Variants in TAF3 observed in about 807,000 individuals in gnomAD.
The protein encoded by TAF3 is transcription initiation factor TFIID subunit 3.
In TAF3, 7 loss-of-function variants were observed where a neutral mutation model predicts 80.6. The observed-to-expected ratio is 0.09, with a 90% CI of 0.05 to 0.16. The LOEUF is 0.16. Ranked by LOEUF, TAF3 falls within the 10% of genes least tolerant of loss-of-function variation. The pLI, the probability that TAF3 is intolerant of heterozygous loss-of-function variation, is 1.00. For synonymous variants in TAF3, 444 were observed against 446.1 expected (o/e 1.00, Z 0.06); for missense variants, 921 against 1,140.2 (o/e 0.81, Z 2.77).
intron 2 of TAF3, among the ~76,000 whole-genome samples, chr10:7,917,740 G>A (rs1490794629): frequency 6.6e-6 from 1 of 152,182 alleles, no homozygotes; most frequent in African/African-American, 2.4e-5. Context: ...CTAGATACGG[G>A]GTGCGAGGAG....
intron 2 of TAF3, among the ~76,000 whole-genome samples, chr10:7,909,652 A>G (rs1837638668): frequency 6.6e-6 from 1 of 152,238 alleles, no homozygotes; most frequent in Admixed American, 6.5e-5. Flanking sequence ...ATCCAGGGCA[A>G]AAGGAAACTA....
At chr10:7,900,635 G>A (rs1464778724) in intron 2 of TAF3, among the ~76,000 whole-genome samples, 2 of 152,150 alleles carry the variant, frequency 1.3e-5, no homozygotes, top group Non-Finnish European at 2.9e-5. Context: ...GTTATGAAAT[G>A]ATTCAGATTC....
Position 8,013,854 on chromosome 10 carries a change from C to T in TAF3, c.2675+17C>T. On this transcript the variant is annotated intron_variant, in intron 6 of 6. Transcript: ENST00000344293. ...GTACCACTGGTGAGTGCCCAGGGCG[C>T]CCTGCCGGCCACACTCATTAGGCAG... 1.2e-6 allele frequency: 2 copies of T among 1,604,796 alleles called. No individual in the cohort carries two copies. The highest frequency in any genetic ancestry group is 1.1e-5 in the South Asian group (1 of 90,856).
chr10:7,874,046 C>T (rs1372363605), intron 2 of TAF3, among the ~76,000 whole-genome samples: 2 of 152,126 alleles, frequency 1.3e-5, no homozygotes, highest in Non-Finnish European at 2.9e-5. Context: ...GCATTAGGAT[C>T]AATAGGTAAT....
chr10:7,842,826 C>T (rs1410275101), intron 2 of TAF3, among the ~76,000 whole-genome samples: 1 of 152,048 alleles, frequency 6.6e-6, no homozygotes, highest in Non-Finnish European at 1.5e-5. Flanking sequence ...TTTTACAGAT[C>T]TTAGATATGA....
chr10:7,835,228 T>A (rs746678190), intron 2 of TAF3, among the ~76,000 whole-genome samples: 3 of 152,154 alleles, frequency 2.0e-5, no homozygotes, highest in Non-Finnish European at 4.4e-5. Context: ...GAAAAAAAAG[T>A]CACACACAAA....
At chr10:7,979,606 A>G (rs2131421458) in intron 4 of TAF3, among the ~76,000 whole-genome samples, 1 of 152,302 alleles carries the variant, frequency 6.6e-6, no homozygotes, top group East Asian at 1.9e-4. Flanking sequence ...ACTTTCAGAT[A>G]TGTAGGTAAT....
intron 1 of TAF3, among the ~76,000 whole-genome samples, chr10:7,821,154 C>A (rs969129370): frequency 6.6e-6 from 1 of 152,040 alleles, no homozygotes; most frequent in African/African-American, 2.4e-5. Context: ...ACCAAGTTTC[C>A]GTAGCCAGTT....
chr10:7,955,786 A>C (rs1838129339), intron 2 of TAF3, among the ~76,000 whole-genome samples: 1 of 152,244 alleles, frequency 6.6e-6, no homozygotes, highest in Admixed American at 6.5e-5. Context: ...TTAGAAAAGA[A>C]GCATGTTTTT....
rs756531660 is a variant in TAF3, at chr10:7,818,696, G to GTC, written c.-13_-12dup. On this transcript the variant is annotated 5_prime_UTR_variant, in exon 1 of 7. Transcript: ENST00000344293. ...CAGTGGCAGCAAGGGCTGCGGTGGCGTCCACGCAGCGGGATGTGCGAGAGT... is the reference window on the plus strand; with the variant it reads ...CAGTGGCAGCAAGGGCTGCGGTGGCGTCTCCACGCAGCGGGATGTGCGAGAGT... 8 of 1,602,282 alleles carry GTC rather than the reference G, an allele frequency of 5.0e-6. No homozygotes were observed. Among genetic ancestry groups the GTC allele is most frequent in the Non-Finnish European group, 6.8e-6 (8 of 1,175,922 alleles).
intron 4 of TAF3, among the ~76,000 whole-genome samples, chr10:7,989,018 T>A (rs1402470871): frequency 6.6e-6 from 1 of 152,212 alleles, no homozygotes; most frequent in African/African-American, 2.4e-5. Flanking sequence ...CCTGGTGTTT[T>A]ATAAAATATG....
chr10:7,884,587 C>T (rs1032384926), intron 2 of TAF3, among the ~76,000 whole-genome samples: 8 of 152,040 alleles, frequency 5.3e-5, no homozygotes, highest in African/African-American at 1.7e-4. Context: ...GGGGTTTCAT[C>T]GTGTTGGCCG....
intron 2 of TAF3, among the ~76,000 whole-genome samples, chr10:7,855,158 A>G (rs1758645): frequency 0.18 from 27,472 of 152,148 alleles, 2,563 homozygotes; most frequent in South Asian, 0.26. Context: ...CAAGCCAGCA[A>G]TGCGGAAACC....
intron 4 of TAF3, among the ~76,000 whole-genome samples, chr10:8,008,591 A>T (rs955605089): frequency 1.3e-5 from 2 of 152,248 alleles, no homozygotes; most frequent in African/African-American, 4.8e-5. Flanking sequence ...GGTAATTAAC[A>T]ACCCAAAAAT....
chr10:7,983,187 A>G (rs1307445382), intron 4 of TAF3, among the ~76,000 whole-genome samples: 1 of 152,114 alleles, frequency 6.6e-6, no homozygotes, highest in Admixed American at 6.5e-5. Flanking sequence ...GTCCCTGGCG[A>G]AGCCCCGCTT....
At chr10:7,978,569 A>G (rs1209831516) in intron 4 of TAF3, among the ~76,000 whole-genome samples, 2 of 152,174 alleles carry the variant, frequency 1.3e-5, no homozygotes, top group African/African-American at 4.8e-5. Flanking sequence ...CTGTGGATTC[A>G]GTGCTTTTGA....
At chr10:7,918,397 AG>A (rs1837732499) in intron 2 of TAF3, among the ~76,000 whole-genome samples, 1 of 152,144 alleles carries the variant, frequency 6.6e-6, no homozygotes, top group Non-Finnish European at 1.5e-5. Context: ...ACTTAGAGTA[AG>A]GGAAGAGTGG....
chr10:8,008,715 G>GCC (rs537210919), intron 4 of TAF3, among the ~76,000 whole-genome samples: 1 of 151,986 alleles, frequency 6.6e-6, no homozygotes, highest in Non-Finnish European at 1.5e-5. Context: ...CCCCTGTCAG[G>GCC]CCCCCCCGAG....
At chr10:7,821,171 T>C (rs1836686650) in intron 1 of TAF3, among the ~76,000 whole-genome samples, 1 of 152,210 alleles carries the variant, frequency 6.6e-6, no homozygotes, top group Non-Finnish European at 1.5e-5. Context: ...AGTTTCTTGG[T>C]TTCAGTGAGA....
Sources: gnomAD v4.1 joint callset for allele counts (sites outside exome capture counted in the v4.1 genomes callset) on GRCh38, gnomAD v4.1.1 for gene constraint, MANE v1.5 for transcripts, NCBI Gene and HGNC (gene_info 2026-07-23, HGNC 2026-07-21) for gene names.